The following CORO2B variants were observed in gnomAD, a reference collection of about 807,000 sequenced individuals.
CORO2B encodes the protein coronin-2B.
CORO2B carries 26 observed loss-of-function variants against 58.8 expected under a neutral mutation model. The observed-to-expected ratio is 0.44, with a 90% CI of 0.32 to 0.61. The LOEUF is 0.61. Among genes scored for constraint, CORO2B ranks in the 20% least tolerant of loss-of-function variants. The pLI is 0.04. For synonymous variants in CORO2B, 242 were observed against 253.8 expected, an observed-to-expected ratio of 0.95 and a Z score of 0.44; for missense variants, 460 against 645.1, an observed-to-expected ratio of 0.71 and a Z score of 3.11.
the CORO2B span, among the ~76,000 whole-genome samples, chr15:68,573,266 G>A: frequency 3.2e-4 from 48 of 152,308 alleles, no homozygotes; most frequent in Non-Finnish European, 5.1e-4. Flanking sequence ...AGGCAAGAGA[G>A]ACAAAGAGAG....
At chr15:68,599,602 C>G (rs1396303079) in intron 1 of CORO2B, among the ~76,000 whole-genome samples, 2 of 152,086 alleles carry the variant, frequency 1.3e-5, no homozygotes, top group Non-Finnish European at 2.9e-5. Flanking sequence ...TTCAATTGCC[C>G]CACCCCCACG....
chr15:68,703,361 G>A (rs1247691216), intron 3 of CORO2B, among the ~76,000 whole-genome samples: 1 of 151,424 alleles, frequency 6.6e-6, no homozygotes, highest in Non-Finnish European at 1.5e-5. Flanking sequence ...ATGTTGGCCA[G>A]GCTGGTCTTG....
chr15:68,524,867 G>A, the CORO2B span, among the ~76,000 whole-genome samples: 1 of 152,192 alleles, frequency 6.6e-6, no homozygotes, highest in African/African-American at 2.4e-5. Context: ...TTATGTTGCA[G>A]CAGCTGATCA....
intron 1 of CORO2B, among the ~76,000 whole-genome samples, chr15:68,619,548 A>G (rs1014532548): frequency 6.6e-6 from 1 of 152,100 alleles, no homozygotes; most frequent in African/African-American, 2.4e-5. Context: ...AATGTTCCAA[A>G]TGGCTCTCTC....
chr15:68,603,566 T>C (rs889090423), intron 1 of CORO2B, among the ~76,000 whole-genome samples: 1 of 152,102 alleles, frequency 6.6e-6, no homozygotes, highest in Non-Finnish European at 1.5e-5. Flanking sequence ...CCAGTGTGTT[T>C]GGAGACAGGG....
chr15:68,539,865 A>G, the CORO2B span, among the ~76,000 whole-genome samples: 14 of 152,364 alleles, frequency 9.2e-5, no homozygotes, highest in African/African-American at 3.1e-4. Context: ...TTTGGTTAAT[A>G]GAAGATAGCT....
Position 68,710,587 on chromosome 15 carries a change from A to T in CORO2B, c.334-145A>T. 1 of 914,018 alleles carries T rather than the reference A, an allele frequency of 1.1e-6. No individual in the cohort carries two copies. 56.6% of individuals were successfully genotyped at this position (914,018 alleles called of 1,614,324 possible). A position where few individuals can be genotyped will look rare whatever the true frequency, so the allele number is the denominator to read the frequency against. ...ACCCTGAGACCTCCCAGCAGGCCTC[A>T]GTCGAGCTTTGCCCATCGCCTCAAG... On this transcript the variant is annotated intron_variant, in intron 3 of 11. Coordinates refer to ENST00000261861, the MANE Select transcript of CORO2B (RefSeq NM_006091.5). The surrounding 1 kb of genome is among the most constrained non-coding windows in gnomAD (Gnocchi z 4.1).
intron 2 of CORO2B, among the ~76,000 whole-genome samples, chr15:68,694,583 A>G (rs987262718): frequency 6.6e-6 from 1 of 152,196 alleles, no homozygotes; most frequent in Non-Finnish European, 1.5e-5. Context: ...TGGCTCGTGT[A>G]AGAGTATATA....
intron 1 of CORO2B, among the ~76,000 whole-genome samples, chr15:68,579,913 A>G (rs775123228): frequency 1.3e-5 from 2 of 152,224 alleles, no homozygotes; most frequent in Non-Finnish European, 2.9e-5. Flanking sequence ...TTGGAGGATG[A>G]TTGTTGGGCC....
At chr15:68,644,019 A>G (rs943331111) in intron 1 of CORO2B, among the ~76,000 whole-genome samples, 2 of 151,478 alleles carry the variant, frequency 1.3e-5, no homozygotes, top group African/African-American at 4.8e-5. Context: ...CCTGGGTGAC[A>G]GCCCCATCTC....
upstream of CORO2B, among the ~76,000 whole-genome samples, chr15:68,575,577 G>GCTCCCCCCCCCCC (rs370419859): frequency 2.6e-5 from 1 of 38,752 alleles, no homozygotes; most frequent in Non-Finnish European, 5.7e-5. Flanking sequence ...CTTGTGATCT[G>GCTCCCCCCCCCCC]CCCCCGCCTC....
At chr15:68,669,754 C>A (rs146698577) in intron 2 of CORO2B, among the ~76,000 whole-genome samples, 5 of 151,878 alleles carry the variant, frequency 3.3e-5, no homozygotes, top group Admixed American at 2.6e-4. Context: ...AGAAATAAAC[C>A]AAATAAGAAA....
At chr15:68,718,999 G>T in intron 9 of CORO2B, 145 bp from the exon 10 acceptor site, 1 of 839,674 alleles carries the variant, frequency 1.2e-6, no homozygotes, top group Non-Finnish European at 2.0e-6. Flanking sequence ...CAGTCAGGTA[G>T]TTCCAGGAGG....
the CORO2B span, among the ~76,000 whole-genome samples, chr15:68,532,382 T>C: frequency 1.3e-5 from 2 of 152,230 alleles, no homozygotes; most frequent in South Asian, 4.1e-4. Context: ...TGGTTTCTGT[T>C]GCCGTGTCTC....
At chr15:68,669,151 AAAAGAAAAGAAAG>A (rs1382595450) in intron 2 of CORO2B, among the ~76,000 whole-genome samples, 4 of 151,432 alleles carry the variant, frequency 2.6e-5, no homozygotes, top group Non-Finnish European at 4.4e-5. Flanking sequence ...AGAAGAAAGA[AAAAGAAAAGAAAG>A]AAAGAAAAGA....
At chr15:68,707,050 T>C (rs1329063901) in intron 3 of CORO2B, among the ~76,000 whole-genome samples, 1 of 152,114 alleles carries the variant, frequency 6.6e-6, no homozygotes. Context: ...AAGCTCCACC[T>C]CCCAGGTTCC....
the CORO2B span, among the ~76,000 whole-genome samples, chr15:68,527,612 A>C: frequency 6.6e-6 from 1 of 152,076 alleles, no homozygotes; most frequent in Admixed American, 6.5e-5. Context: ...AAGTCCTCCA[A>C]CTTTGTTTTT....
chr15:68,669,187 G>C (rs74479346), intron 2 of CORO2B, among the ~76,000 whole-genome samples: 1 of 151,536 alleles, frequency 6.6e-6, no homozygotes, highest in Non-Finnish European at 1.5e-5. Flanking sequence ...AGAAAGAAAG[G>C]AAGCAAGCAA....
At chr15:68,675,054 C>G (rs1035774589) in intron 2 of CORO2B, among the ~76,000 whole-genome samples, 3 of 152,160 alleles carry the variant, frequency 2.0e-5, no homozygotes, top group Admixed American at 6.6e-5. Flanking sequence ...GAACTCTTCC[C>G]CCTTCCTTTT....
Sources: gnomAD v4.1 joint callset for allele counts (sites outside exome capture counted in the v4.1 genomes callset) on GRCh38, gnomAD v4.1.1 for gene constraint, Gnocchi (gnomAD v3.1) non-coding constraint, MANE v1.5 for transcripts, NCBI Gene and HGNC (gene_info 2026-07-23, HGNC 2026-07-21) for gene names.